The following SMURF1 variants were observed in gnomAD, a reference collection of about 807,000 sequenced individuals.
The protein encoded by SMURF1 is E3 ubiquitin-protein ligase SMURF1.
Under a neutral mutation model 98.0 loss-of-function variants are expected in SMURF1, and 44 were observed. That is an observed-to-expected ratio of 0.45 (90% CI 0.35 to 0.58). SMURF1 has a LOEUF of 0.58. SMURF1 is among the 20% of genes least tolerant of loss of function. The probability of loss-of-function intolerance (pLI) is 0.00; values close to 1 mark genes in which losing one functional copy is unlikely to be tolerated. For missense variants in SMURF1, 687 were observed against 938.4 expected (o/e 0.73, Z 3.50); for synonymous variants, 396 against 374.9 (o/e 1.06, Z -0.65).
chr7:99,037,763 T>C (rs931003475), intron 14 of SMURF1, among the ~76,000 whole-genome samples: 2 of 152,246 alleles, frequency 1.3e-5, no homozygotes, highest in African/African-American at 2.4e-5. Flanking sequence ...TGTGAAAGCA[T>C]GTTCTGGCCA....
intron 13 of SMURF1, 150 bp downstream of exon 13, chr7:99,040,228 A>C: frequency 1.2e-6 from 1 of 858,290 alleles, no homozygotes; most frequent in East Asian, 3.1e-5. Flanking sequence ...CCTTCCAAAA[A>C]ATCCCCTTTT....
chr7:99,073,642 T>G (rs563585816), intron 1 of SMURF1, among the ~76,000 whole-genome samples: 171 of 152,028 alleles, frequency 1.1e-3, no homozygotes, highest in Non-Finnish European at 2.0e-3. Context: ...GGCATGCACC[T>G]ATAATCCCAG....
chr7:99,060,578 C>A (rs1428239577), intron 3 of SMURF1, 21 bp downstream of exon 3: 1 of 1,576,718 alleles, frequency 6.3e-7, no homozygotes. Context: ...CCGCATGGGG[C>A]TTACAGAACA....
chr7:99,058,718 A>G (rs1475341121), intron 3 of SMURF1, among the ~76,000 whole-genome samples: 1 of 152,246 alleles, frequency 6.6e-6, no homozygotes, highest in Non-Finnish European at 1.5e-5. Flanking sequence ...TGTATTAACT[A>G]AAAGACAATA....
intron 1 of SMURF1, among the ~76,000 whole-genome samples, chr7:99,129,858 A>C (rs1797832333): frequency 6.6e-6 from 1 of 152,224 alleles, no homozygotes. Flanking sequence ...TTCGAACTTC[A>C]GCGAAGCATC....
intron 13 of SMURF1, among the ~76,000 whole-genome samples, chr7:99,039,549 ATGTTG>A (rs752683263): frequency 6.6e-5 from 10 of 152,096 alleles, no homozygotes; most frequent in Non-Finnish European, 1.2e-4. Context: ...GGATTTCACC[ATGTTG>A]GCCAGGTTGG....
At chr7:99,143,107 C>T (rs1798168879) in intron 1 of SMURF1, among the ~76,000 whole-genome samples, 1 of 113,570 alleles carries the variant, frequency 8.8e-6, no homozygotes, top group Non-Finnish European at 1.7e-5. Context: ...GAGCTGGACG[C>T]AGGGAGAAGC....
At chr7:99,038,843 G>A (rs991251151) in intron 13 of SMURF1, among the ~76,000 whole-genome samples, 3 of 152,144 alleles carry the variant, frequency 2.0e-5, no homozygotes, top group East Asian at 1.9e-4. Context: ...AGGCAGGAAC[G>A]TGAAGAGGTA....
intron 1 of SMURF1, among the ~76,000 whole-genome samples, chr7:99,118,673 T>C (rs1488170975): frequency 1.3e-5 from 2 of 151,978 alleles, no homozygotes; most frequent in African/African-American, 4.8e-5. Context: ...GAGTATTGGG[T>C]TTCTTTTGGG....
intron 1 of SMURF1, among the ~76,000 whole-genome samples, chr7:99,085,712 C>T (rs192623533): frequency 7.4e-4 from 112 of 152,282 alleles, no homozygotes; most frequent in Non-Finnish European, 1.3e-3. Context: ...TAGTATCACA[C>T]GGAATAGTTT....
At chr7:99,130,509 T>C (rs1274355356) in intron 1 of SMURF1, among the ~76,000 whole-genome samples, 2 of 152,144 alleles carry the variant, frequency 1.3e-5, no homozygotes, top group Non-Finnish European at 2.9e-5. Flanking sequence ...AGGAACATTC[T>C]GCAATACAAA....
In SMURF1 at chr7:99,030,528, C is replaced by T. The variant is rs1794835272; in HGVS notation, c.*56G>A. 4.1e-6 allele frequency: 6 copies of T among 1,448,626 alleles called. No homozygotes were observed. The highest frequency in any genetic ancestry group is 5.8e-6 in the Non-Finnish European group (6 of 1,032,298). 89.7% of individuals were successfully genotyped at this position (1,448,626 alleles called of 1,614,324 possible). A position where few individuals can be genotyped will look rare whatever the true frequency, so the allele number is the denominator to read the frequency against. ...CAGCTTTGCAGGAGGTGCACAGAAG[C>T]TGGATGCTTTTGGTCTGGTGGCCAT... On this transcript the variant is annotated 3_prime_UTR_variant, in exon 18 of 18. Coordinates refer to ENST00000361368, the MANE Select transcript of SMURF1 (RefSeq NM_181349.3).
At position 99,114,149 on chromosome 7, in the gene SMURF1, T is replaced by C. The variant is rs990725839; in HGVS notation, c.55+29577A>G. Among the ~76,000 whole-genome samples, 7 of 152,306 alleles carry C rather than the reference T, an allele frequency of 4.6e-5. No individual in the cohort carries two copies. In the East Asian group the frequency reaches 9.6e-4, roughly 21 times the overall value. ...TAAGTTGGTATTAAGTTAAACTAGA[T>C]TGTTATAAATTAAGATGTTAATTGT... On this transcript the variant is annotated intron_variant, in intron 1 of 17. Transcript: ENST00000361368.
chr7:99,037,954 G>T (rs118116555), intron 14 of SMURF1, among the ~76,000 whole-genome samples: 2 of 152,200 alleles, frequency 1.3e-5, no homozygotes, highest in Non-Finnish European at 2.9e-5. Context: ...GCACACAGAC[G>T]TGCCCACATA....
rs1795114686 is a variant in SMURF1, at chr7:99,035,839, C to CTAGGCAGATGT, written c.1810-134_1810-124dup. ...TCCCAAGCAAAGCAGCAGCTGTGTACTAGGCAGATGTTGAGACAGGAAGAA... is the reference window on the plus strand; with the variant it reads ...TCCCAAGCAAAGCAGCAGCTGTGTACTAGGCAGATGTTAGGCAGATGTTGAGACAGGAAGAA... On this transcript the variant is annotated intron_variant, in intron 15 of 17. Coordinates refer to ENST00000361368, the MANE Select transcript of SMURF1 (RefSeq NM_181349.3). The CTAGGCAGATGT allele has an allele frequency of 2.4e-5, 21 of 893,596 alleles. 1 individual carries two copies. The South Asian group carries it at 3.5e-4, about 15-fold the overall frequency. 55.4% of individuals were successfully genotyped at this position (893,596 alleles called of 1,614,324 possible).
At chr7:99,131,216 G>A (rs1797865317) in intron 1 of SMURF1, among the ~76,000 whole-genome samples, 1 of 152,044 alleles carries the variant, frequency 6.6e-6, no homozygotes, top group African/African-American at 2.4e-5. Flanking sequence ...TACATCTGAA[G>A]GTATCCTGCT....
chr7:99,063,279 AT>A (rs1210854545), intron 1 of SMURF1, among the ~76,000 whole-genome samples: 3 of 19,370 alleles, frequency 1.5e-4, no homozygotes, highest in East Asian at 1.7e-3. Flanking sequence ...ATATATATAT[AT>A]ATATATATAT....
intron 1 of SMURF1, among the ~76,000 whole-genome samples, chr7:99,139,116 T>C (rs547894762): frequency 6.6e-6 from 1 of 152,334 alleles, no homozygotes; most frequent in African/African-American, 2.4e-5. Flanking sequence ...CTTAACAATT[T>C]TCTTAATCTT....
Position 99,063,241 on chromosome 7 carries a change from TTATATATATATATATATATA to T in SMURF1, c.56-1424_56-1405del, listed in dbSNP as rs1178325637. ...ATATATATATATATATAAGATTTAT[TTATATATATATATATATATA>T]TATATATATATATATATATATATAT... On this transcript the variant is annotated intron_variant, in intron 1 of 17. Transcript: ENST00000361368. Among the ~76,000 whole-genome samples, 123 of 34,828 alleles carry T rather than the reference TTATATATATATATATATATA, an allele frequency of 3.5e-3. 1 individual carries two copies. Among genetic ancestry groups the T allele is most frequent in the African/African-American group, 0.011 (85 of 8,038 alleles). 22.8% of individuals were successfully genotyped at this position (34,828 alleles called of 152,430 possible).
Sources: gnomAD v4.1 joint callset for allele counts (sites outside exome capture counted in the v4.1 genomes callset) on GRCh38, gnomAD v4.1.1 for gene constraint, MANE v1.5 for transcripts, NCBI Gene and HGNC (gene_info 2026-07-23, HGNC 2026-07-21) for gene names.